The following COLEC12 variants were observed in gnomAD, a reference collection of about 807,000 sequenced individuals.
The protein encoded by COLEC12 is collectin-12.
A neutral mutation model predicts 71.1 loss-of-function variants in COLEC12; 33 were observed. The observed-to-expected ratio is 0.46, with a 90% CI of 0.35 to 0.62. The LOEUF is 0.62. Ranked by LOEUF, COLEC12 falls within the 20% of genes least tolerant of loss-of-function variation. The pLI is 0.00. For synonymous variants in COLEC12, 350 were observed against 353.0 expected (o/e 0.99, Z 0.10); for missense variants, 765 against 916.1 (o/e 0.84, Z 2.13).
At chr18:379,998 A>G (rs1368191421) in intron 2 of COLEC12, among the ~76,000 whole-genome samples, 2 of 151,876 alleles carry the variant, frequency 1.3e-5, no homozygotes, top group African/African-American at 4.8e-5. Flanking sequence ...TTTTTTTTCC[A>G]ATGATGAAGA....
chr18:394,730 T>C (rs1292335321), intron 2 of COLEC12, among the ~76,000 whole-genome samples: 1 of 152,208 alleles, frequency 6.6e-6, no homozygotes, highest in Non-Finnish European at 1.5e-5. Flanking sequence ...TCGAAAATAC[T>C]GACTTGGCCA....
intron 2 of COLEC12, among the ~76,000 whole-genome samples, chr18:395,547 A>T (rs1204611010): frequency 6.6e-6 from 1 of 152,202 alleles, no homozygotes; most frequent in East Asian, 1.9e-4. Context: ...TGAGGTTAAA[A>T]GTTTAATCTG....
chr18:479,432 C>T (rs1013854546), intron 2 of COLEC12, among the ~76,000 whole-genome samples: 8 of 152,060 alleles, frequency 5.3e-5, no homozygotes, highest in Non-Finnish European at 1.0e-4. Context: ...GCTAAAGCAA[C>T]GCGGGAGGCA....
At chr18:415,248 C>T (rs1356414600) in intron 2 of COLEC12, among the ~76,000 whole-genome samples, 3 of 152,224 alleles carry the variant, frequency 2.0e-5, no homozygotes, top group Non-Finnish European at 4.4e-5. Flanking sequence ...ACTACCCCCT[C>T]ACTAAAGTGA....
Position 317,977 on chromosome 18 carries a change from C to CT in COLEC12, c.*2067dup, listed in dbSNP as rs33924107. On this transcript the variant is annotated 3_prime_UTR_variant, in exon 10 of 10. Coordinates refer to ENST00000400256, the MANE Select transcript of COLEC12 (RefSeq NM_130386.3). ...GGGAAAGTCAAACTCTGTCTTTATT[C>CT]TTTTTTTTTTTTCTTTTTGAGATGA... 0.77 allele frequency: 112,879 copies of CT among 146,656 alleles called. 44,563 individuals carry two copies. Among genetic ancestry groups the CT allele is most frequent in the East Asian group, 0.97 (4,827 of 4,994 alleles). 9.1% of individuals were successfully genotyped at this position (146,656 alleles called of 1,614,324 possible).
chr18:373,698 C>T (rs970182534), intron 2 of COLEC12, among the ~76,000 whole-genome samples: 2 of 152,106 alleles, frequency 1.3e-5, no homozygotes, highest in Admixed American at 6.5e-5. Context: ...GTGATAGAAC[C>T]CCAGGGCCTG....
intron 2 of COLEC12, among the ~76,000 whole-genome samples, chr18:448,469 G>A (rs1375889532): frequency 6.6e-6 from 1 of 152,154 alleles, no homozygotes; most frequent in Non-Finnish European, 1.5e-5. Flanking sequence ...CCCAGACTCT[G>A]TTATATAAAA....
chr18:424,837 G>A lies in COLEC12; in HGVS notation c.58+55870C>T, dbSNP rs375469079. 2.6e-5 allele frequency among the ~76,000 whole-genome samples: 4 copies of A among 152,330 alleles called. No individual in the cohort carries two copies. In the East Asian group the frequency reaches 5.8e-4, roughly 22 times the overall value. ...GCAGAAACCAAGGCTCTGCCTTGGA[G>A]AGCTCAGTCTAAGGAGAAGCAGTAA... On this transcript the variant is annotated intron_variant, in intron 2 of 9. Coordinates refer to ENST00000400256, the MANE Select transcript of COLEC12 (RefSeq NM_130386.3).
At chr18:433,168 T>C (rs1916338451) in intron 2 of COLEC12, among the ~76,000 whole-genome samples, 1 of 152,194 alleles carries the variant, frequency 6.6e-6, no homozygotes, top group Admixed American at 6.5e-5. Context: ...GTTAACATGC[T>C]GAACCACACC....
intron 2 of COLEC12, among the ~76,000 whole-genome samples, chr18:436,499 C>T (rs1487088374): frequency 9.7e-6 from 1 of 102,864 alleles, no homozygotes; most frequent in Non-Finnish European, 1.8e-5. Context: ...CAGGTGACAA[C>T]AGCGAGACTC....
In COLEC12 at chr18:338,896, T is replaced by C. The variant is rs562824513; in HGVS notation, c.1328-3666A>G. 3.4e-4 allele frequency among the ~76,000 whole-genome samples: 52 copies of C among 152,344 alleles called. 1 individual carries two copies. Among genetic ancestry groups the C allele is most frequent in the African/African-American group, 1.2e-3 (48 of 41,592 alleles). On this transcript the variant is annotated intron_variant, in intron 5 of 9. Coordinates refer to ENST00000400256, the MANE Select transcript of COLEC12 (RefSeq NM_130386.3). Reference sequence around the variant, plus strand: ...CTATTTCTGTTTTACTTATGTTCTGTGTTGAACTTTAGGAAATCCAAATAA... The same window carrying C: ...CTATTTCTGTTTTACTTATGTTCTGCGTTGAACTTTAGGAAATCCAAATAA...
intron 2 of COLEC12, among the ~76,000 whole-genome samples, chr18:460,253 G>A (rs1916955226): frequency 6.6e-6 from 1 of 152,034 alleles, no homozygotes. Context: ...ATTCGGAATG[G>A]GCCACAAGAA....
At chr18:488,629 T>C (rs1424695890) in intron 1 of COLEC12, among the ~76,000 whole-genome samples, 1 of 151,804 alleles carries the variant, frequency 6.6e-6, no homozygotes, top group African/African-American at 2.4e-5. Flanking sequence ...TCCCAGCACT[T>C]TGGGAGGTCA....
intron 2 of COLEC12, among the ~76,000 whole-genome samples, chr18:366,758 G>A (rs1226096706): frequency 6.6e-6 from 1 of 152,112 alleles, no homozygotes; most frequent in African/African-American, 2.4e-5. Flanking sequence ...CAGGTGCAAG[G>A]GATTTCACAA....
In COLEC12 at chr18:346,549, C is replaced by T. The variant is rs140999458; in HGVS notation, c.1073G>A (p.Arg358Gln). 6.0e-5 allele frequency: 97 copies of T among 1,614,158 alleles called. No homozygotes were observed. The highest frequency in any genetic ancestry group is 5.5e-4 in the African/African-American group (41 of 75,028). The part of the protein sequence containing the change: ...SNISYTAHHL[R>Q]TLTSNLNEVR... The stretch of plus-strand genomic sequence containing the variant: ...TTCATTTAGATTGCTGGTCAGCGTC[C>T]GCAGGTGGTGGGCTGTGTAACTGAT... Residue 358 changes from arginine (R) to glutamine (Q), a missense_variant, in exon 5 of 10, where the codon CGG (arginine) becomes CAG (glutamine). Arg to Gln is a conservative substitution (Grantham distance 43, BLOSUM62 1). Coordinates refer to ENST00000400256, the MANE Select transcript of COLEC12 (RefSeq NM_130386.3). This position sits in a 1 kb window ranked among gnomAD's most constrained non-coding sequence, Gnocchi z 4.0.
At chr18:415,493 G>T (rs1915969293) in intron 2 of COLEC12, among the ~76,000 whole-genome samples, 1 of 152,086 alleles carries the variant, frequency 6.6e-6, no homozygotes, top group South Asian at 2.1e-4. Context: ...GAGCTTCTCT[G>T]CACCATCACA....
At chr18:456,252 T>G (rs1395981101) in intron 2 of COLEC12, among the ~76,000 whole-genome samples, 4 of 152,238 alleles carry the variant, frequency 2.6e-5, no homozygotes, top group Non-Finnish European at 5.9e-5. Context: ...ATGCCCAGTC[T>G]GAGTTCTCAA....
chr18:405,326 T>A (rs1345819829), intron 2 of COLEC12, among the ~76,000 whole-genome samples: 1 of 152,162 alleles, frequency 6.6e-6, no homozygotes, highest in Admixed American at 6.5e-5. Context: ...CTTTGTTAGA[T>A]GCTTATTAGT....
chr18:463,416 AG>A (rs1319017257), intron 2 of COLEC12, among the ~76,000 whole-genome samples: 1 of 152,224 alleles, frequency 6.6e-6, no homozygotes, highest in Non-Finnish European at 1.5e-5. Flanking sequence ...CTAATTCAGA[AG>A]ATCTATATCA....
Sources: gnomAD v4.1 joint callset for allele counts (sites outside exome capture counted in the v4.1 genomes callset) on GRCh38, gnomAD v4.1.1 for gene constraint, Gnocchi (gnomAD v3.1) non-coding constraint, MANE v1.5 for transcripts, NCBI Gene and HGNC (gene_info 2026-07-23, HGNC 2026-07-21) for gene names.